The following KCND2 variants were observed in gnomAD, a reference collection of about 807,000 sequenced individuals.
KCND2 encodes the protein potassium voltage-gated channel subfamily D member 2.
In KCND2, 16 loss-of-function variants were observed where a neutral mutation model predicts 54.4. The ratio of observed to expected loss-of-function variants is 0.29; its 90% CI spans 0.20 to 0.45. The LOEUF is 0.45. KCND2 is among the 20% of genes least tolerant of loss of function. The pLI is 1.00. For synonymous variants in KCND2, 317 were observed against 310.7 expected, an observed-to-expected ratio of 1.02 and a Z score of -0.21; for missense variants, 486 against 824.2, an observed-to-expected ratio of 0.59 and a Z score of 5.02.
At chr7:120,362,543 G>C (rs1800606470) in intron 1 of KCND2, among the ~76,000 whole-genome samples, 3 of 152,086 alleles carry the variant, frequency 2.0e-5, no homozygotes, top group South Asian at 2.1e-4. Flanking sequence ...ATGTTGCAGT[G>C]TATGAATTAT....
chr7:120,559,025 G>C (rs891020354), intron 1 of KCND2, among the ~76,000 whole-genome samples: 13 of 151,972 alleles, frequency 8.6e-5, no homozygotes, highest in African/African-American at 3.1e-4. Flanking sequence ...TTCTGTGTGT[G>C]TATGTGTGTG....
At chr7:120,379,445 TTATTTGAAAAA>T in intron 1 of KCND2, among the ~76,000 whole-genome samples, 1 of 152,052 alleles carries the variant, frequency 6.6e-6, no homozygotes, top group Non-Finnish European at 1.5e-5. Context: ...CTGACTATAG[TTATTTGAAAAA>T]CATATTAAAT....
chr7:120,387,269 G>T (rs1412108202), intron 1 of KCND2, among the ~76,000 whole-genome samples: 1 of 151,950 alleles, frequency 6.6e-6, no homozygotes, highest in African/African-American at 2.4e-5. Flanking sequence ...TAGTTATGAG[G>T]TTTTCCAAAT....
chr7:120,444,254 G>A (rs1248507842), intron 1 of KCND2, among the ~76,000 whole-genome samples: 1 of 151,974 alleles, frequency 6.6e-6, no homozygotes, highest in Non-Finnish European at 1.5e-5. Flanking sequence ...GCTCACTTTG[G>A]AAGGACAACA....
chr7:120,520,513 A>C, intron 1 of KCND2, among the ~76,000 whole-genome samples: 1 of 152,104 alleles, frequency 6.6e-6, no homozygotes, highest in African/African-American at 2.4e-5. Flanking sequence ...GGAAATACAC[A>C]TGAGAAATGG....
chr7:120,322,902 A>T (rs1281510425), intron 1 of KCND2, among the ~76,000 whole-genome samples: 2 of 152,158 alleles, frequency 1.3e-5, no homozygotes, highest in Non-Finnish European at 2.9e-5. Context: ...GATTCTAGAT[A>T]TTACTAAAAT....
chr7:120,518,434 A>C (rs760756645), intron 1 of KCND2, among the ~76,000 whole-genome samples: 5 of 152,200 alleles, frequency 3.3e-5, no homozygotes, highest in African/African-American at 4.8e-5. Flanking sequence ...ATGTTAAATC[A>C]ACAAGTTCTT....
At chr7:120,648,638 T>G (rs1417456936) in intron 1 of KCND2, among the ~76,000 whole-genome samples, 1 of 152,312 alleles carries the variant, frequency 6.6e-6, no homozygotes, top group East Asian at 1.9e-4. Flanking sequence ...AGCTTTGCAT[T>G]GCCCATACAT....
chr7:120,688,684 T>A (rs1349967544), intron 1 of KCND2, among the ~76,000 whole-genome samples: 2 of 152,170 alleles, frequency 1.3e-5, no homozygotes, highest in Admixed American at 1.3e-4. Flanking sequence ...GCTTACCATG[T>A]CTATCATCCT....
At chr7:120,336,161 A>C (rs1800149208) in intron 1 of KCND2, among the ~76,000 whole-genome samples, 2 of 152,192 alleles carry the variant, frequency 1.3e-5, no homozygotes, top group African/African-American at 4.8e-5. Flanking sequence ...ACTGCTCAAG[A>C]ATATTGTAGA....
At chr7:120,456,162 A>G (rs1452277907) in intron 1 of KCND2, among the ~76,000 whole-genome samples, 1 of 152,158 alleles carries the variant, frequency 6.6e-6, no homozygotes, top group African/African-American at 2.4e-5. Flanking sequence ...ACTCACATGC[A>G]TGGGTTTGAC....
At chr7:120,694,144 C>T (rs1460220824) in intron 1 of KCND2, among the ~76,000 whole-genome samples, 2 of 152,206 alleles carry the variant, frequency 1.3e-5, no homozygotes, top group African/African-American at 4.8e-5. Context: ...GTTGATGCCT[C>T]CTTTCCTAAG....
chr7:120,706,773 GAATT>G (rs1428326867), intron 1 of KCND2, among the ~76,000 whole-genome samples: 1 of 152,106 alleles, frequency 6.6e-6, no homozygotes, highest in Non-Finnish European at 1.5e-5. Context: ...TACTTTCTGT[GAATT>G]AATTAACACA....
intron 1 of KCND2, among the ~76,000 whole-genome samples, chr7:120,731,841 C>T (rs532474542): frequency 6.5e-4 from 99 of 152,172 alleles, no homozygotes; most frequent in Non-Finnish European, 8.5e-4. Flanking sequence ...GCAATTAAGG[C>T]GATGGCTCTT....
intron 1 of KCND2, among the ~76,000 whole-genome samples, chr7:120,729,693 T>C (rs950805455): frequency 2.0e-4 from 31 of 152,322 alleles, no homozygotes; most frequent in Non-Finnish European, 4.4e-4. Flanking sequence ...GATGAACACT[T>C]TGTGCCCCCT....
chr7:120,607,918 G>C (rs1251375854), intron 1 of KCND2, among the ~76,000 whole-genome samples: 1 of 151,988 alleles, frequency 6.6e-6, no homozygotes, highest in Non-Finnish European at 1.5e-5. Context: ...AGGTCTACTA[G>C]GCTGTAGCTT....
chr7:120,535,472 G>A lies in KCND2; in HGVS notation c.1116-197431G>A, dbSNP rs538794541. Among the ~76,000 whole-genome samples, 22 of 152,128 alleles carry A rather than the reference G, an allele frequency of 1.4e-4. No homozygotes were observed. In the South Asian group the frequency reaches 4.6e-3, roughly 32 times the overall value. On this transcript the variant is annotated intron_variant, in intron 1 of 5. Transcript: ENST00000331113. The stretch of plus-strand genomic sequence containing the variant: ...TGGAAATTTTGGTTTGGAGCTGGAA[G>A]GTAACATCACTTAACTACAAAATTT...
chr7:120,696,535 C>G (rs529966928), intron 1 of KCND2, among the ~76,000 whole-genome samples: 109 of 152,264 alleles, frequency 7.2e-4, no homozygotes, highest in African/African-American at 2.6e-3. Flanking sequence ...AACGTGTTCT[C>G]CAAAGTTCAT....
chr7:120,699,443 C>G (rs922169728), intron 1 of KCND2, among the ~76,000 whole-genome samples: 1 of 152,002 alleles, frequency 6.6e-6, no homozygotes, highest in Non-Finnish European at 1.5e-5. Context: ...GACAAACAAC[C>G]AGAAGCTTTG....
Sources: allele counts gnomAD v4.1 joint callset (sites outside exome capture counted in the v4.1 genomes callset), GRCh38; gene constraint gnomAD v4.1.1; transcripts MANE v1.5; gene names NCBI Gene and HGNC (gene_info 2026-07-23, HGNC 2026-07-21).